SNUPN: variants seen among roughly 807,000 people sequenced by gnomAD.
SNUPN encodes the protein snurportin-1.
A neutral mutation model predicts 39.2 loss-of-function variants in SNUPN; 31 were observed. The observed-to-expected ratio is 0.79, with a 90% confidence interval of 0.59 to 1.07. The LOEUF (loss-of-function observed/expected upper bound fraction) is 1.07, where lower values mean the gene tolerates loss of function less well. Ranked by LOEUF, SNUPN falls within the 50% of genes least tolerant of loss-of-function variation. The probability of loss-of-function intolerance (pLI) is 0.00; values close to 1 mark genes in which losing one functional copy is unlikely to be tolerated. For missense variants in SNUPN, 382 were observed against 434.2 expected, an observed-to-expected ratio of 0.88 and a Z score of 1.07; for synonymous variants, 132 against 159.0, an observed-to-expected ratio of 0.83 and a Z score of 1.28.
intron 8 of SNUPN, among the ~76,000 whole-genome samples, chr15:75,599,062 G>A (rs1228706464): frequency 2.6e-5 from 4 of 151,750 alleles, no homozygotes; most frequent in African/African-American, 9.7e-5. Flanking sequence ...CCAGCTACTC[G>A]GGTGTCTGAG....
At chr15:75,614,422 A>G (rs927618143) in intron 3 of SNUPN, among the ~76,000 whole-genome samples, 1 of 152,256 alleles carries the variant, frequency 6.6e-6, no homozygotes, top group African/African-American at 2.4e-5. Context: ...CTATCCATAC[A>G]GTGGAATATT....
At chr15:75,612,681 C>T (rs573723418) in intron 3 of SNUPN, among the ~76,000 whole-genome samples, 43 of 152,028 alleles carry the variant, frequency 2.8e-4, no homozygotes, top group African/African-American at 9.4e-4. Context: ...TCCTCTGCAC[C>T]GAAAACTCAG....
At position 75,602,485 on chromosome 15, in the gene SNUPN, C is replaced by T. The variant is rs1436070404; in HGVS notation, c.679-1267G>A. Among the ~76,000 whole-genome samples, 3 of 148,404 alleles carry T rather than the reference C, an allele frequency of 2.0e-5. No homozygotes were observed. The East Asian group carries it at 5.9e-4, about 29-fold the overall frequency. On this transcript the variant is annotated intron_variant, in intron 7 of 8. Coordinates refer to ENST00000308588, the MANE Select transcript of SNUPN (RefSeq NM_005701.4). ...AGGTTGCAGTGAGCTGAGATTGTGC[C>T]ACTGCACTCTAGCCTGAGCAACAGA...
Position 75,598,446 on chromosome 15 carries a change from C to G in SNUPN, c.995G>C (p.Gly332Ala), listed in dbSNP as rs1320315187. 1 of 1,614,140 alleles carries G rather than the reference C, an allele frequency of 6.2e-7. No homozygotes were observed. Among genetic ancestry groups the G allele is most frequent in the Non-Finnish European group, 8.5e-7 (1 of 1,180,038 alleles). The change falls in exon 9 of 9, where the codon GGG (glycine) becomes GCG (alanine). Residue 332 changes from glycine to alanine, a missense_variant. Gly to Ala is a moderately conservative substitution (Grantham distance 60, BLOSUM62 0). Coordinates refer to ENST00000308588, the MANE Select transcript of SNUPN (RefSeq NM_005701.4). ...EKLTHKASEN[G>A]HYELEHLSTP... ...AGACAGGTGCTCCAATTCATAGTGCCCATTCTCAGAGGCCTTGTGTGTGAG... is the reference window on the plus strand; with the variant it reads ...AGACAGGTGCTCCAATTCATAGTGCGCATTCTCAGAGGCCTTGTGTGTGAG...
chr15:75,611,557 TA>T (rs1180023665), intron 3 of SNUPN, among the ~76,000 whole-genome samples: 2 of 150,290 alleles, frequency 1.3e-5, no homozygotes, highest in Non-Finnish European at 1.5e-5. Context: ...CGGCTCACTT[TA>T]AAAAAAAACT....
intron 8 of SNUPN, among the ~76,000 whole-genome samples, chr15:75,599,836 A>ATTTTTTTTT (rs60918008): frequency 6.4e-5 from 9 of 140,514 alleles, no homozygotes; most frequent in Non-Finnish European, 7.7e-5. Flanking sequence ...GACTGGGCAG[A>ATTTTTTTTT]TTTTTTTTTT....
At chr15:75,601,453 T>C (rs2075286129) in intron 7 of SNUPN, among the ~76,000 whole-genome samples, 1 of 152,080 alleles carries the variant, frequency 6.6e-6, no homozygotes, top group Non-Finnish European at 1.5e-5. Flanking sequence ...CATGTGCCTG[T>C]AGTCCAAGCT....
intron 4 of SNUPN, 48 bp downstream of exon 4, chr15:75,609,842 C>T (rs1224922233): frequency 6.9e-7 from 1 of 1,441,882 alleles, no homozygotes; most frequent in South Asian, 1.1e-5. Flanking sequence ...AAGAATCCCT[C>T]CCACTACAGA....
chr15:75,616,056 T>C (rs1000368626), intron 3 of SNUPN, among the ~76,000 whole-genome samples: 3 of 152,164 alleles, frequency 2.0e-5, no homozygotes, highest in African/African-American at 7.2e-5. Context: ...CAAAATTGAA[T>C]TGTACTTTGT....
At position 75,613,292 on chromosome 15, in the gene SNUPN, A is replaced by G. The variant is rs537865619; in HGVS notation, c.304-3298T>C. Among the ~76,000 whole-genome samples the G allele has an allele frequency of 2.0e-5, 3 of 148,316 alleles. No individual in the cohort carries two copies. The East Asian group carries it at 5.9e-4, about 29-fold the overall frequency. On this transcript the variant is annotated intron_variant, in intron 3 of 8. Coordinates refer to ENST00000308588, the MANE Select transcript of SNUPN (RefSeq NM_005701.4). ...AAAAAAAAAAAAAAAAGAGCAAAGG[A>G]TTTGAATAGACATTTCTCCAAAGAA... is the stretch of plus-strand genomic sequence containing the variant.
intron 8 of SNUPN, 44 bp downstream of exon 8, chr15:75,601,094 A>G: frequency 7.6e-7 from 1 of 1,316,076 alleles, no homozygotes; most frequent in Non-Finnish European, 1.1e-6. Flanking sequence ...GTCTCTCTGC[A>G]GCCTATCATC....
At chr15:75,619,407 C>A (rs1893014488) in intron 2 of SNUPN, among the ~76,000 whole-genome samples, 1 of 151,954 alleles carries the variant, frequency 6.6e-6, no homozygotes. Flanking sequence ...TTTGGGAGGT[C>A]AAGGTGGGAG....
chr15:75,605,668 C>T (rs369004325), intron 6 of SNUPN, among the ~76,000 whole-genome samples: 13 of 152,134 alleles, frequency 8.5e-5, no homozygotes, highest in East Asian at 7.7e-4. Context: ...CTTTTGTTTA[C>T]GTTATAAAAA....
At chr15:75,604,153 T>C (rs575474120) in intron 7 of SNUPN, among the ~76,000 whole-genome samples, 73 of 144,636 alleles carry the variant, frequency 5.0e-4, no homozygotes, top group African/African-American at 1.7e-3. Context: ...CCAATTCCCT[T>C]TAACTTTTTT....
intron 1 of SNUPN, among the ~76,000 whole-genome samples, chr15:75,623,528 T>TC (rs1165475380): frequency 2.7e-5 from 4 of 150,850 alleles, no homozygotes; most frequent in Non-Finnish European, 5.9e-5. Context: ...CACTGCAGCC[T>TC]CCACCTCCTG....
intron 2 of SNUPN, among the ~76,000 whole-genome samples, chr15:75,618,846 C>G (rs1892999035): frequency 6.6e-6 from 1 of 151,814 alleles, no homozygotes; most frequent in Non-Finnish European, 1.5e-5. Flanking sequence ...AGAAAACTGC[C>G]CAGATGCCCA....
chr15:75,613,458 T>C (rs1457112071), intron 3 of SNUPN, among the ~76,000 whole-genome samples: 1 of 149,772 alleles, frequency 6.7e-6, no homozygotes, highest in Non-Finnish European at 1.5e-5. Flanking sequence ...GCCTGGTCAA[T>C]ACGCTGAAAC....
intron 7 of SNUPN, among the ~76,000 whole-genome samples, chr15:75,602,293 C>T (rs1049053447): frequency 2.6e-5 from 4 of 151,916 alleles, no homozygotes; most frequent in East Asian, 3.9e-4. Context: ...TTTGGGAGGC[C>T]GAGAAGGGCG....
chr15:75,617,279 C>G, intron 3 of SNUPN, 129 bp downstream of exon 3: 1 of 947,082 alleles, frequency 1.1e-6, no homozygotes, highest in Non-Finnish European at 1.6e-6. Context: ...CTGGCATGTT[C>G]TTTGCAGTTC....
Sources: allele counts gnomAD v4.1 joint callset (sites outside exome capture counted in the v4.1 genomes callset), GRCh38; gene constraint gnomAD v4.1.1; transcripts MANE v1.5; gene names NCBI Gene and HGNC (gene_info 2026-07-23, HGNC 2026-07-21).